PDE1C: variants seen among roughly 807,000 people sequenced by gnomAD.
The protein encoded by PDE1C is dual specificity calcium/calmodulin-dependent 3',5'-cyclic nucleotide phosphodiesterase 1C.
Under a neutral mutation model 93.1 loss-of-function variants are expected in PDE1C, and 62 were observed. The observed-to-expected ratio is 0.67, with a 90% CI of 0.54 to 0.82. PDE1C has a LOEUF of 0.82. PDE1C is among the 40% of genes least tolerant of loss of function. PDE1C has a pLI of 0.00. For missense variants in PDE1C, 742 were observed against 884.6 expected, an observed-to-expected ratio of 0.84 and a Z score of 2.04; for synonymous variants, 325 against 310.1, an observed-to-expected ratio of 1.05 and a Z score of -0.50.
intron 2 of PDE1C, among the ~76,000 whole-genome samples, chr7:31,895,743 T>C (rs1417559516): frequency 1.3e-5 from 2 of 152,074 alleles, no homozygotes; most frequent in Non-Finnish European, 2.9e-5. Flanking sequence ...TTTCCCGTGC[T>C]GTTCTCGTGA....
At position 32,298,039 on chromosome 7, in the gene PDE1C, TCTCTCTCTCTCTCTCTCTCTCTCTCC is replaced by T. The variant is rs1349510827; in HGVS notation, c.85+586_85+611del. Among the ~76,000 whole-genome samples the T allele has an allele frequency of 7.3e-3, 522 of 71,860 alleles. 133 individuals are homozygous for T. Among genetic ancestry groups the T allele is most frequent in the Non-Finnish European group, 8.5e-3 (322 of 37,794 alleles). 47.1% of individuals were successfully genotyped at this position (71,860 alleles called of 152,430 possible). A position where few individuals can be genotyped will look rare whatever the true frequency, so the allele number is the denominator to read the frequency against. ...CTCCCTCTCTCTCTCTCTCTCTCTC[TCTCTCTCTCTCTCTCTCTCTCTCTCC>T]CCTCTCTCTCTGAATTCCCCGGTCT... On this transcript the variant is annotated intron_variant, in intron 1 of 18. Transcript: ENST00000396193.
chr7:31,795,644 T>C (rs995000429), intron 16 of PDE1C, among the ~76,000 whole-genome samples: 1 of 151,820 alleles, frequency 6.6e-6, no homozygotes, highest in African/African-American at 2.4e-5. Flanking sequence ...ATACTTTTAT[T>C]TGACATTTCT....
At chr7:31,749,063 G>A (rs984531593), downstream of PDE1C, among the ~76,000 whole-genome samples, 10 of 152,168 alleles carry the variant, frequency 6.6e-5, no homozygotes, top group Admixed American at 6.5e-4. Context: ...ATCCTGCAGG[G>A]ACAAGAAATC....
At chr7:32,331,624 T>C (rs536205762) in intron 1 of PDE1C, among the ~76,000 whole-genome samples, 1 of 152,202 alleles carries the variant, frequency 6.6e-6, no homozygotes, top group South Asian at 2.1e-4. Context: ...GCCCATGGAA[T>C]AGATGATATG....
At chr7:31,773,604 A>G (rs1795640937) in intron 17 of PDE1C, among the ~76,000 whole-genome samples, 1 of 152,044 alleles carries the variant, frequency 6.6e-6, no homozygotes, top group South Asian at 2.1e-4. Context: ...CTATAGAACA[A>G]GATCTACTCA....
At chr7:31,892,150 G>C (rs944972460) in intron 2 of PDE1C, among the ~76,000 whole-genome samples, 1 of 152,168 alleles carries the variant, frequency 6.6e-6, no homozygotes, top group Middle Eastern at 3.2e-3. Context: ...TTCTTAAATA[G>C]TGGTCTACTT....
Position 32,065,557 on chromosome 7 carries a change from T to A in PDE1C, c.101+4736A>T, listed in dbSNP as rs572111727. Among the ~76,000 whole-genome samples the A allele has an allele frequency of 2.6e-5, 4 of 152,150 alleles. No individual in the cohort carries two copies. In the East Asian group the frequency reaches 7.7e-4, roughly 29 times the overall value. The stretch of plus-strand genomic sequence containing the variant: ...TCTCTGCCACTAGCCTTCAAATTGC[T>A]GAAAGTTAAGTAAGTATCTTACCTA... On this transcript the variant is annotated intron_variant, in intron 1 of 17. Coordinates refer to ENST00000396191, the MANE Select transcript of PDE1C (RefSeq NM_001191057.4).
chr7:32,139,164 C>A (rs775350128), intron 3 of PDE1C, among the ~76,000 whole-genome samples: 9 of 152,126 alleles, frequency 5.9e-5, no homozygotes, highest in Non-Finnish European at 1.2e-4. Context: ...GAAATAGGGT[C>A]TTTCTCCATC....
intron 2 of PDE1C, among the ~76,000 whole-genome samples, chr7:31,951,671 A>G (rs1807400349): frequency 6.6e-6 from 1 of 152,200 alleles, no homozygotes; most frequent in Non-Finnish European, 1.5e-5. Context: ...TCTCTAATGC[A>G]TCTTCTCCAT....
chr7:32,110,482 T>G (rs975435210), intron 3 of PDE1C, among the ~76,000 whole-genome samples: 21 of 151,990 alleles, frequency 1.4e-4, no homozygotes, highest in Non-Finnish European at 2.8e-4. Flanking sequence ...GAAACTAGGG[T>G]GGGGACACGG....
chr7:32,083,528 C>T (rs375801948), intron 3 of PDE1C, among the ~76,000 whole-genome samples: 1 of 151,924 alleles, frequency 6.6e-6, no homozygotes, highest in Non-Finnish European at 1.5e-5. Context: ...TCAAGAAGAG[C>T]AACTCCAAGA....
At chr7:31,703,761 G>C in the PDE1C span, among the ~76,000 whole-genome samples, 2 of 152,186 alleles carry the variant, frequency 1.3e-5, no homozygotes, top group African/African-American at 4.8e-5. Flanking sequence ...TTAGCCCTTG[G>C]CAAGTGAAAA....
chr7:31,902,014 TA>T (rs1287443545), intron 2 of PDE1C, among the ~76,000 whole-genome samples: 2 of 150,866 alleles, frequency 1.3e-5, no homozygotes, highest in Non-Finnish European at 3.0e-5. Context: ...TACAAATACT[TA>T]AAATAAATGT....
rs113717206 is a variant in PDE1C, at chr7:31,897,564, C to G, written c.129-16704G>C. Among the ~76,000 whole-genome samples, 1,371 of 152,232 alleles carry G rather than the reference C, an allele frequency of 9.0e-3. 19 individuals are homozygous for G. Among genetic ancestry groups the G allele is most frequent in the African/African-American group, 0.031 (1,291 of 41,514 alleles). On this transcript the variant is annotated intron_variant, in intron 2 of 17. Coordinates refer to ENST00000396191, the MANE Select transcript of PDE1C (RefSeq NM_001191057.4). ...ATAATTTGACATACTTCACTTTTAC[C>G]TCACAATGACGAGAGCATATTTTTA...
At chr7:32,239,784 C>A (rs559148510) in intron 1 of PDE1C, among the ~76,000 whole-genome samples, 1 of 152,196 alleles carries the variant, frequency 6.6e-6, no homozygotes, top group African/African-American at 2.4e-5. Flanking sequence ...GAACCATTCA[C>A]AAACATTTAG....
chr7:32,310,809 C>T (rs1262616124), intron 1 of PDE1C, among the ~76,000 whole-genome samples: 1 of 151,512 alleles, frequency 6.6e-6, no homozygotes, highest in East Asian at 1.9e-4. Context: ...AGGAAAGATC[C>T]AAAATTGACA....
At chr7:32,006,390 A>G (rs890232017) in intron 2 of PDE1C, among the ~76,000 whole-genome samples, 6 of 152,190 alleles carry the variant, frequency 3.9e-5, no homozygotes, top group Admixed American at 3.9e-4. Context: ...ACACTATACA[A>G]TACAGGGGTA....
chr7:31,766,602 C>G (rs1795163025), intron 17 of PDE1C, among the ~76,000 whole-genome samples: 1 of 152,172 alleles, frequency 6.6e-6, no homozygotes, highest in Admixed American at 6.5e-5. Context: ...AAAAGCCATC[C>G]TCCAGAATTT....
intron 17 of PDE1C, among the ~76,000 whole-genome samples, chr7:31,769,018 A>G (rs1428614742): frequency 6.6e-6 from 1 of 150,822 alleles, no homozygotes; most frequent in African/African-American, 2.4e-5. Flanking sequence ...CTGGTCTTGA[A>G]CTCCTGACCT....
Sources: gnomAD v4.1 joint callset for allele counts (sites outside exome capture counted in the v4.1 genomes callset) on GRCh38, gnomAD v4.1.1 for gene constraint, MANE v1.5 for transcripts, NCBI Gene and HGNC (gene_info 2026-07-23, HGNC 2026-07-21) for gene names.